MARCHF4: variants seen among roughly 807,000 people sequenced by gnomAD.
MARCHF4 encodes membrane associated ring-CH-type finger 4, also known as E3 ubiquitin-protein ligase MARCHF4.
A neutral mutation model predicts 43.9 loss-of-function variants in MARCHF4; 14 were observed. The observed-to-expected ratio is 0.32, with a 90% CI of 0.21 to 0.50. The LOEUF is 0.50. Among genes scored for constraint, MARCHF4 ranks in the 20% least tolerant of loss-of-function variants. MARCHF4 has a pLI of 0.98. For missense variants in MARCHF4, 468 were observed against 536.7 expected, an observed-to-expected ratio of 0.87 and a Z score of 1.27; for synonymous variants, 226 against 213.3, an observed-to-expected ratio of 1.06 and a Z score of -0.52.
chr2:216,278,805 A>G (rs1691077432), intron 2 of MARCHF4, among the ~76,000 whole-genome samples: 1 of 152,172 alleles, frequency 6.6e-6, no homozygotes, highest in Non-Finnish European at 1.5e-5. Flanking sequence ...GTATTGACAG[A>G]TGGGTTAAAG....
intron 1 of MARCHF4, among the ~76,000 whole-genome samples, chr2:216,357,801 G>A (rs1177307497): frequency 3.3e-5 from 5 of 152,228 alleles, no homozygotes; most frequent in Non-Finnish European, 7.3e-5. Flanking sequence ...GTAAATTGAA[G>A]GATGCTTTTG....
chr2:216,268,444 C>T (rs866449842), intron 3 of MARCHF4, among the ~76,000 whole-genome samples: 1 of 152,122 alleles, frequency 6.6e-6, no homozygotes, highest in South Asian at 2.1e-4. Context: ...GGCGGTTTCC[C>T]CCATGCTGTT....
At chr2:216,300,879 T>A (rs144741447) in intron 1 of MARCHF4, among the ~76,000 whole-genome samples, 290 of 152,224 alleles carry the variant, frequency 1.9e-3, no homozygotes, top group Admixed American at 3.2e-3. Context: ...GGCTTTCTGA[T>A]CTGGGTCCAC....
At chr2:216,320,607 T>TTTC in intron 1 of MARCHF4, among the ~76,000 whole-genome samples, 1 of 112,098 alleles carries the variant, frequency 8.9e-6, no homozygotes, top group South Asian at 3.2e-4. Flanking sequence ...TATAGCCTCT[T>TTTC]TTTCTTTCTT....
intron 1 of MARCHF4, among the ~76,000 whole-genome samples, chr2:216,334,567 G>A (rs1198051867): frequency 1.3e-5 from 2 of 152,016 alleles, no homozygotes; most frequent in Admixed American, 6.6e-5. Flanking sequence ...TGCCCAGCTA[G>A]TTTTTAAATT....
intron 1 of MARCHF4, among the ~76,000 whole-genome samples, chr2:216,290,737 GATGT>G (rs776649224): frequency 3.3e-5 from 5 of 152,202 alleles, no homozygotes; most frequent in Non-Finnish European, 7.3e-5. Flanking sequence ...TGAGGATGTA[GATGT>G]TAAGATTTGC....
At chr2:216,300,620 A>G (rs1167119381) in intron 1 of MARCHF4, among the ~76,000 whole-genome samples, 1 of 152,112 alleles carries the variant, frequency 6.6e-6, no homozygotes. Context: ...TATTGGGATT[A>G]CAGGCATGAG....
chr2:216,270,885 AC>A (rs1690924816), intron 3 of MARCHF4, among the ~76,000 whole-genome samples: 2 of 152,020 alleles, frequency 1.3e-5, no homozygotes, highest in Admixed American at 1.3e-4. Context: ...CCCTACTGCC[AC>A]TGTGTTGCAA....
intron 1 of MARCHF4, 42 bp from the exon 2 acceptor site, chr2:216,283,771 G>C: frequency 6.5e-7 from 1 of 1,536,300 alleles, no homozygotes; most frequent in Admixed American, 1.7e-5. Context: ...GAGACCTACA[G>C]TGGCTGGTGG....
At chr2:216,316,385 T>C (rs767729111) in intron 1 of MARCHF4, among the ~76,000 whole-genome samples, 13 of 152,116 alleles carry the variant, frequency 8.5e-5, no homozygotes, top group Non-Finnish European at 1.8e-4. Flanking sequence ...TCCTAGTCCC[T>C]CTTGAACATG....
intron 1 of MARCHF4, among the ~76,000 whole-genome samples, chr2:216,322,417 G>A (rs1309760973): frequency 6.6e-6 from 1 of 152,236 alleles, no homozygotes; most frequent in African/African-American, 2.4e-5. Context: ...GTCCATCAGT[G>A]ACCTTCAGGG....
At chr2:216,284,913 GT>G (rs1159145890) in intron 1 of MARCHF4, among the ~76,000 whole-genome samples, 1 of 152,174 alleles carries the variant, frequency 6.6e-6, no homozygotes, top group Non-Finnish European at 1.5e-5. Context: ...CCTACTGGGA[GT>G]GGTCCCTGAC....
intron 2 of MARCHF4, among the ~76,000 whole-genome samples, chr2:216,280,322 T>C (rs1478982974): frequency 6.6e-6 from 1 of 151,636 alleles, no homozygotes; most frequent in Non-Finnish European, 1.5e-5. Flanking sequence ...CACCAATGAA[T>C]GGAGAGACAA....
intron 1 of MARCHF4, among the ~76,000 whole-genome samples, chr2:216,305,398 C>T (rs1051413442): frequency 6.6e-6 from 1 of 152,160 alleles, no homozygotes; most frequent in East Asian, 1.9e-4. Flanking sequence ...TCTTTTGCAG[C>T]GATTTCCTCC....
chr2:216,307,689 C>A (rs1691611962), intron 1 of MARCHF4, among the ~76,000 whole-genome samples: 1 of 152,098 alleles, frequency 6.6e-6, no homozygotes, highest in Admixed American at 6.5e-5. Context: ...CACATGGAGG[C>A]CCCCGTGACA....
intron 1 of MARCHF4, among the ~76,000 whole-genome samples, chr2:216,315,862 G>T (rs1055295248): frequency 2.0e-5 from 3 of 152,166 alleles, no homozygotes; most frequent in African/African-American, 4.8e-5. Context: ...GGTAAAAAGT[G>T]AGTCATCCCA....
chr2:216,345,697 A>T (rs1244572210), intron 1 of MARCHF4, among the ~76,000 whole-genome samples: 3 of 152,188 alleles, frequency 2.0e-5, no homozygotes, highest in Non-Finnish European at 4.4e-5. Flanking sequence ...TTTGCTGCTC[A>T]AAGTGTGATC....
chr2:216,269,135 C>T (rs1054724356), intron 3 of MARCHF4, among the ~76,000 whole-genome samples: 1 of 152,194 alleles, frequency 6.6e-6, no homozygotes, highest in Non-Finnish European at 1.5e-5. Flanking sequence ...CTTCCCCTGA[C>T]CCCATATCAA....
At chr2:216,303,284 C>A (rs1198885942) in intron 1 of MARCHF4, 2 of 152,304 alleles carry the variant, frequency 1.3e-5, no homozygotes, top group Non-Finnish European at 2.9e-5. Flanking sequence ...GAAAACAGCT[C>A]ATTCCCTTCC....
Sources: allele counts gnomAD v4.1 joint callset (sites outside exome capture counted in the v4.1 genomes callset), GRCh38; gene constraint gnomAD v4.1.1; transcripts MANE v1.5; gene names NCBI Gene and HGNC (gene_info 2026-07-23, HGNC 2026-07-21).